CCNY: variants seen among roughly 807,000 people sequenced by gnomAD.
The protein encoded by CCNY is cyclin Y.
A neutral mutation model predicts 42.8 loss-of-function variants in CCNY; 19 were observed. The observed-to-expected ratio is 0.44, with a 90% CI of 0.31 to 0.65. The LOEUF is 0.65. Among genes scored for constraint, CCNY ranks in the 30% least tolerant of loss-of-function variants. The pLI, the probability that CCNY is intolerant of heterozygous loss-of-function variation, is 0.07. For synonymous variants in CCNY, 165 were observed against 162.7 expected (o/e 1.01, Z -0.11); for missense variants, 370 against 437.3 (o/e 0.85, Z 1.37).
intron 1 of CCNY, among the ~76,000 whole-genome samples, chr10:35,345,832 A>C (rs1260291414): frequency 6.6e-6 from 1 of 152,222 alleles, no homozygotes; most frequent in Middle Eastern, 3.2e-3. Flanking sequence ...TTTGGAATAG[A>C]AATACTATTT....
In CCNY at chr10:35,477,046, A is replaced by G. The variant is rs566756595; in HGVS notation, c.155-6358A>G. 3.3e-3 allele frequency among the ~76,000 whole-genome samples: 503 copies of G among 152,362 alleles called. 4 individuals are homozygous for G. Among genetic ancestry groups the G allele is most frequent in the African/African-American group, 0.011 (475 of 41,578 alleles). On this transcript the variant is annotated intron_variant, in intron 1 of 9. Transcript: ENST00000374704. ...AAACTAGAAAATCTAGAAGAAATGG[A>G]TAAATTCCTGGACACATAGACTCTC... is the stretch of plus-strand genomic sequence containing the variant.
At chr10:35,495,779 T>C in intron 2 of CCNY, among the ~76,000 whole-genome samples, 1 of 152,190 alleles carries the variant, frequency 6.6e-6, no homozygotes, top group East Asian at 1.9e-4. Flanking sequence ...CAGTGCACTT[T>C]GTGTCCTGGC....
chr10:35,298,705 C>T (rs560118223), intron 3 of CCNY, among the ~76,000 whole-genome samples: 25 of 152,044 alleles, frequency 1.6e-4, no homozygotes, highest in African/African-American at 4.1e-4. Flanking sequence ...TAATTTTTTG[C>T]GGAGACAGGG....
At chr10:35,314,335 CAA>C (rs1467549395) in intron 3 of CCNY, among the ~76,000 whole-genome samples, 1 of 152,118 alleles carries the variant, frequency 6.6e-6, no homozygotes, top group African/African-American at 2.4e-5. Context: ...TGGTGGCAGT[CAA>C]GAGAGAATGA....
At chr10:35,412,638 C>G (rs901651990) in intron 1 of CCNY, among the ~76,000 whole-genome samples, 1 of 150,386 alleles carries the variant, frequency 6.6e-6, no homozygotes, top group Admixed American at 6.6e-5. Context: ...ATTGCCTGAA[C>G]TCAGAAGTTT....
At chr10:35,552,356 G>T (rs1841276931) in intron 7 of CCNY, among the ~76,000 whole-genome samples, 1 of 152,200 alleles carries the variant, frequency 6.6e-6, no homozygotes, top group Non-Finnish European at 1.5e-5. Flanking sequence ...GAGCTGCGGA[G>T]AGGGAGGAAG....
chr10:35,520,888 A>C (rs1473916786), intron 4 of CCNY, among the ~76,000 whole-genome samples: 2 of 152,164 alleles, frequency 1.3e-5, no homozygotes, highest in East Asian at 3.9e-4. Flanking sequence ...CAAGCATAAG[A>C]TGATGATCAA....
intron 1 of CCNY, among the ~76,000 whole-genome samples, chr10:35,340,539 C>G (rs1361104611): frequency 7.1e-6 from 1 of 140,042 alleles, no homozygotes; most frequent in Non-Finnish European, 1.5e-5. Context: ...GAGTTTTGCT[C>G]TGTCACCCAG....
intron 1 of CCNY, among the ~76,000 whole-genome samples, chr10:35,371,656 T>C (rs1257818439): frequency 6.6e-6 from 1 of 152,100 alleles, no homozygotes; most frequent in African/African-American, 2.4e-5. Flanking sequence ...TGGGGCACAG[T>C]AGAGATGCTG....
chr10:35,346,628 CA>C (rs1315795993), intron 1 of CCNY, among the ~76,000 whole-genome samples: 1 of 152,122 alleles, frequency 6.6e-6, no homozygotes, highest in Non-Finnish European at 1.5e-5. Flanking sequence ...ACATTCTATA[CA>C]TTAGGTTTTA....
intron 7 of CCNY, among the ~76,000 whole-genome samples, chr10:35,533,389 G>A (rs1038027205): frequency 6.6e-6 from 1 of 152,022 alleles, no homozygotes; most frequent in Non-Finnish European, 1.5e-5. Flanking sequence ...TGTTACTGAC[G>A]GGGCCTAGCA....
At chr10:35,291,978 G>A (rs572406093) in intron 3 of CCNY, among the ~76,000 whole-genome samples, 11 of 152,304 alleles carry the variant, frequency 7.2e-5, no homozygotes, top group African/African-American at 2.6e-4. Context: ...ATTGCAACAT[G>A]TTACATTCCC....
chr10:35,303,595 T>C (rs1764119954), intron 3 of CCNY, among the ~76,000 whole-genome samples: 1 of 149,894 alleles, frequency 6.7e-6, no homozygotes, highest in Non-Finnish European at 1.5e-5. Context: ...CTGACCAACA[T>C]GGAGAAACCC....
intron 1 of CCNY, among the ~76,000 whole-genome samples, chr10:35,439,996 G>A (rs562994880): frequency 4.6e-5 from 7 of 152,044 alleles, no homozygotes; most frequent in African/African-American, 1.4e-4. Context: ...GAAAGTCCTG[G>A]CCCCCTACTT....
At chr10:35,337,885 A>C (rs1836085473) in intron 1 of CCNY, among the ~76,000 whole-genome samples, 1 of 152,128 alleles carries the variant, frequency 6.6e-6, no homozygotes, top group South Asian at 2.1e-4. Flanking sequence ...TTTCTGATTT[A>C]TTCAGGTGAC....
chr10:35,310,022 G>A (rs941951883), intron 3 of CCNY, among the ~76,000 whole-genome samples: 2 of 151,764 alleles, frequency 1.3e-5, no homozygotes, highest in African/African-American at 4.8e-5. Flanking sequence ...GGATGGTCTC[G>A]ATCTCCTGAC....
intron 3 of CCNY, among the ~76,000 whole-genome samples, chr10:35,297,350 T>C (rs955476264): frequency 1.5e-4 from 23 of 152,074 alleles, no homozygotes; most frequent in Non-Finnish European, 5.9e-5. Flanking sequence ...TGAAGGAATA[T>C]ACGTCAAAAT....
intron 2 of CCNY, among the ~76,000 whole-genome samples, chr10:35,490,825 G>T (rs1316865054): frequency 1.3e-5 from 2 of 152,152 alleles, no homozygotes; most frequent in Non-Finnish European, 2.9e-5. Flanking sequence ...CCAGGTCAGT[G>T]CAGGCCTCAG....
intron 3 of CCNY, among the ~76,000 whole-genome samples, chr10:35,502,748 C>A (rs1035712106): frequency 1.3e-5 from 2 of 151,712 alleles, no homozygotes; most frequent in African/African-American, 2.4e-5. Context: ...AATTGCCATG[C>A]CTTTTTTTTT....
Sources: allele counts gnomAD v4.1 joint callset (sites outside exome capture counted in the v4.1 genomes callset), GRCh38; gene constraint gnomAD v4.1.1; transcripts MANE v1.5; gene names NCBI Gene and HGNC (gene_info 2026-07-23, HGNC 2026-07-21).